DHX15: variants seen among roughly 807,000 people sequenced by gnomAD.
DHX15 encodes the protein ATP-dependent RNA helicase DHX15.
DHX15 carries 11 observed loss-of-function variants against 94.4 expected under a neutral mutation model. The observed-to-expected ratio is 0.12, with a 90% CI of 0.07 to 0.19. DHX15 has a LOEUF of 0.19. Ranked by LOEUF, DHX15 falls within the 10% of genes least tolerant of loss-of-function variation. DHX15 has a pLI of 1.00. For missense variants in DHX15, 304 were observed against 988.5 expected, an observed-to-expected ratio of 0.31 and a Z score of 9.29; for synonymous variants, 338 against 329.9, an observed-to-expected ratio of 1.02 and a Z score of -0.27.
At chr4:24,558,667 C>A (rs1412639256) in intron 3 of DHX15, among the ~76,000 whole-genome samples, 1 of 152,146 alleles carries the variant, frequency 6.6e-6, no homozygotes, top group Non-Finnish European at 1.5e-5. Flanking sequence ...CCATGAGGTG[C>A]TGCACTTAAT....
At chr4:24,574,220 A>AAAAAAAAAAAAAAAAAAAAAAAAAAAT (rs1277080868) in intron 2 of DHX15, among the ~76,000 whole-genome samples, 2 of 150,922 alleles carry the variant, frequency 1.3e-5, no homozygotes, top group Non-Finnish European at 3.0e-5. Flanking sequence ...AAAAAAAAAA[A>AAAAAAAAAAAAAAAAAAAAAAAAAAAT]AAAAAAAAGT....
chr4:24,528,407 GGTA>G (rs1372137989), intron 13 of DHX15, among the ~76,000 whole-genome samples: 3 of 152,100 alleles, frequency 2.0e-5, no homozygotes, highest in African/African-American at 7.2e-5. Context: ...GAAACATCGT[GGTA>G]TTCAAATGAT....
At chr4:24,577,937 A>G (rs1231222260) in intron 1 of DHX15, among the ~76,000 whole-genome samples, 1 of 152,202 alleles carries the variant, frequency 6.6e-6, no homozygotes, top group Non-Finnish European at 1.5e-5. Context: ...GAAACATGTC[A>G]TTGTTCCTTA....
intron 7 of DHX15, 142 bp downstream of exon 7, chr4:24,542,797 TA>T: frequency 1.8e-6 from 1 of 565,430 alleles, no homozygotes; most frequent in Non-Finnish European, 3.1e-6. Flanking sequence ...AGCCAAAACA[TA>T]AAGGGTTCAT....
At chr4:24,549,896 C>T (rs1276382128) in intron 5 of DHX15, among the ~76,000 whole-genome samples, 1 of 151,854 alleles carries the variant, frequency 6.6e-6, no homozygotes, top group African/African-American at 2.4e-5. Context: ...GAGTTCGAGA[C>T]CACCCTGACC....
intron 2 of DHX15, among the ~76,000 whole-genome samples, chr4:24,572,090 A>T (rs1353226942): frequency 1.3e-5 from 2 of 152,190 alleles, no homozygotes; most frequent in South Asian, 4.1e-4. Context: ...TGAACCAAAG[A>T]TATTTAAAAT....
chr4:24,578,697 C>T (rs961724924), intron 1 of DHX15, among the ~76,000 whole-genome samples: 6 of 152,068 alleles, frequency 3.9e-5, no homozygotes, highest in African/African-American at 1.4e-4. Context: ...TCCCGAGTAA[C>T]TGGGACTACA....
intron 5 of DHX15, among the ~76,000 whole-genome samples, chr4:24,553,839 TATTATCCAA>T (rs1342738372): frequency 6.6e-6 from 1 of 152,162 alleles, no homozygotes. Flanking sequence ...TAAAACTTTG[TATTATCCAA>T]ATAGCTTCTG....
chr4:24,555,244 G>T (rs934734842), intron 4 of DHX15, among the ~76,000 whole-genome samples: 6 of 151,206 alleles, frequency 4.0e-5, no homozygotes, highest in African/African-American at 1.5e-4. Flanking sequence ...ACATTAATAT[G>T]CAGTATAATT....
intron 1 of DHX15, 68 bp downstream of exon 1, chr4:24,584,255 C>G: frequency 6.6e-7 from 1 of 1,510,430 alleles, no homozygotes; most frequent in Non-Finnish European, 9.0e-7. Flanking sequence ...CAGGCCAGCC[C>G]CGGCCCGCTC....
intron 12 of DHX15, among the ~76,000 whole-genome samples, chr4:24,531,914 C>G (rs908807538): frequency 6.6e-6 from 1 of 152,176 alleles, no homozygotes; most frequent in Non-Finnish European, 1.5e-5. Flanking sequence ...AGACATCTCA[C>G]CAATCTCCTT....
At chr4:24,565,798 C>T (rs1721979296) in intron 3 of DHX15, among the ~76,000 whole-genome samples, 1 of 152,146 alleles carries the variant, frequency 6.6e-6, no homozygotes, top group Admixed American at 6.5e-5. Context: ...ACTGATGCAC[C>T]CCTAAACAGA....
chr4:24,527,494 T>A lies in DHX15; in HGVS notation c.*430A>T, dbSNP rs1469563372. 1 of 154,330 alleles carries A rather than the reference T, an allele frequency of 6.5e-6. No individual in the cohort carries two copies. Among genetic ancestry groups the A allele is most frequent in the African/African-American group, 2.4e-5 (1 of 41,494 alleles). 9.6% of individuals were successfully genotyped at this position (154,330 alleles called of 1,614,324 possible). ...CCAAAATTAGTATAAATAGACTTTA[T>A]TGAAGTCAGTGCCTCTGTACTGAGA... On this transcript the variant is annotated 3_prime_UTR_variant, in exon 14 of 14. Coordinates refer to ENST00000336812, the MANE Select transcript of DHX15 (RefSeq NM_001358.3).
chr4:24,583,875 C>A (rs950416133), intron 1 of DHX15, among the ~76,000 whole-genome samples: 3 of 152,234 alleles, frequency 2.0e-5, no homozygotes, highest in Non-Finnish European at 2.9e-5. Flanking sequence ...GCGCCCCCAC[C>A]CAGGCCCTCC....
At chr4:24,570,929 C>T (rs1722108225) in intron 2 of DHX15, 82 bp from the exon 3 acceptor site, 4 of 1,411,576 alleles carry the variant, frequency 2.8e-6, no homozygotes. Context: ...TTATCTCATT[C>T]TAATGATTTA....
In DHX15 at chr4:24,576,445, T is replaced by A. The variant is rs765447766; in HGVS notation, c.305A>T (p.His102Leu). ...TGACGTGTGACCTGCATGTCCGGCA[T>A]GCGTTGAATGAGCAGAATGTGTTGA... is the stretch of plus-strand genomic sequence containing the variant. Reference protein sequence around the residue: ...THSTHSAHSTHAGHAGHTSLP... With the variant: ...THSTHSAHSTLAGHAGHTSLP... Residue 102 changes from histidine to leucine, a missense_variant, in exon 2 of 14, where the codon CAT becomes CTT. Around this residue, in one of 9 missense-constraint regions of DHX15, gnomAD observed 143 missense variants for 200.5 expected, o/e 0.71. Transcript: ENST00000336812. 1 of 1,614,200 alleles carries A rather than the reference T, an allele frequency of 6.2e-7. No individual in the cohort carries two copies. Among genetic ancestry groups the A allele is most frequent in the Non-Finnish European group, 8.5e-7 (1 of 1,180,034 alleles).
intron 5 of DHX15, among the ~76,000 whole-genome samples, chr4:24,552,863 C>T (rs944230941): frequency 6.6e-6 from 1 of 152,230 alleles, no homozygotes; most frequent in African/African-American, 2.4e-5. Context: ...CTTCGGCTTA[C>T]TCCCTTCCTT....
In DHX15 at chr4:24,535,084, A is replaced by T. The variant is rs902050305; in HGVS notation, c.1909+1967T>A. On this transcript the variant is annotated intron_variant, in intron 11 of 13. Transcript: ENST00000336812. ...AAGTCATCACATACTGCAAACCCCT[A>T]AAAACCACCAATGGCTAATCATCCC... Among the ~76,000 whole-genome samples, 26 of 152,140 alleles carry T rather than the reference A, an allele frequency of 1.7e-4. 1 individual carries two copies. The highest frequency in any genetic ancestry group is 1.4e-3 in the Admixed American group (22 of 15,280).
chr4:24,564,594 GT>G (rs1347866529), intron 3 of DHX15, among the ~76,000 whole-genome samples: 2 of 152,174 alleles, frequency 1.3e-5, no homozygotes, highest in African/African-American at 4.8e-5. Flanking sequence ...AACCAAGTCA[GT>G]GAAGAGCCAG....
Sources: gnomAD v4.1 joint callset for allele counts (sites outside exome capture counted in the v4.1 genomes callset) on GRCh38, gnomAD v4.1.1 for gene constraint, gnomAD v4.1.1 regional missense constraint, MANE v1.5 for transcripts, NCBI Gene and HGNC (gene_info 2026-07-23, HGNC 2026-07-21) for gene names.